The following SGMS1 variants were observed in gnomAD, a reference collection of about 807,000 sequenced individuals.
SGMS1 encodes the protein phosphatidylcholine:ceramide cholinephosphotransferase 1.
SGMS1 carries 13 observed loss-of-function variants against 46.2 expected under a neutral mutation model. That is an observed-to-expected ratio of 0.28 (90% CI 0.18 to 0.45). The LOEUF (loss-of-function observed/expected upper bound fraction) is 0.45, where lower values mean the gene tolerates loss of function less well. SGMS1 is among the 20% of genes least tolerant of loss of function. The pLI is 1.00. For missense variants in SGMS1, 324 were observed against 519.9 expected, an observed-to-expected ratio of 0.62 and a Z score of 3.66; for synonymous variants, 203 against 187.8, an observed-to-expected ratio of 1.08 and a Z score of -0.66.
At chr10:50,334,115 T>C (rs915239928) in intron 7 of SGMS1, among the ~76,000 whole-genome samples, 7 of 152,194 alleles carry the variant, frequency 4.6e-5, no homozygotes, top group African/African-American at 1.7e-4. Context: ...CTGACTTATA[T>C]ACAGGTTGTA....
chr10:50,438,522 G>A (rs1310201112), intron 5 of SGMS1, among the ~76,000 whole-genome samples: 1 of 152,202 alleles, frequency 6.6e-6, no homozygotes, highest in Non-Finnish European at 1.5e-5. Context: ...AGCAGCCATA[G>A]CTGATGCTTG....
At chr10:50,432,847 C>A (rs538334668) in intron 6 of SGMS1, among the ~76,000 whole-genome samples, 1 of 152,100 alleles carries the variant, frequency 6.6e-6, no homozygotes, top group African/African-American at 2.4e-5. Flanking sequence ...AAGAGTGAGG[C>A]CTAGGATTGT....
chr10:50,596,324 TCAC>T (rs991515370), intron 1 of SGMS1, among the ~76,000 whole-genome samples: 3 of 152,100 alleles, frequency 2.0e-5, no homozygotes, highest in Non-Finnish European at 4.4e-5. Context: ...TTACAGGCAT[TCAC>T]CACAACACCT....
intron 2 of SGMS1, among the ~76,000 whole-genome samples, chr10:50,544,078 T>C (rs1838079018): frequency 6.9e-6 from 1 of 145,422 alleles, no homozygotes; most frequent in Admixed American, 6.7e-5. Context: ...GATACATTTA[T>C]TTCTTAAACA....
chr10:50,530,072 CT>C (rs1476899458), intron 2 of SGMS1, among the ~76,000 whole-genome samples: 3 of 152,210 alleles, frequency 2.0e-5, no homozygotes, highest in African/African-American at 7.2e-5. Context: ...ATCATCCCAT[CT>C]CCTGAAAACC....
intron 1 of SGMS1, among the ~76,000 whole-genome samples, chr10:50,609,097 A>G (rs1838723229): frequency 6.6e-6 from 1 of 151,902 alleles, no homozygotes. Flanking sequence ...CGATCCTCCC[A>G]CCTCAGTCTC....
At chr10:50,453,933 C>T (rs867294971) in intron 5 of SGMS1, among the ~76,000 whole-genome samples, 5 of 147,860 alleles carry the variant, frequency 3.4e-5, no homozygotes, top group African/African-American at 1.3e-4. Context: ...AGGAGTTTCC[C>T]CACTTAGATA....
At chr10:50,379,537 G>A (rs1301080374) in intron 6 of SGMS1, among the ~76,000 whole-genome samples, 2 of 152,130 alleles carry the variant, frequency 1.3e-5, no homozygotes, top group Non-Finnish European at 2.9e-5. Flanking sequence ...GAGAATTGGA[G>A]AGGGTCAGGG....
At chr10:50,467,398 CAT>C (rs1242675545) in intron 3 of SGMS1, among the ~76,000 whole-genome samples, 3 of 148,696 alleles carry the variant, frequency 2.0e-5, no homozygotes, top group Non-Finnish European at 4.5e-5. Context: ...AGACCACATA[CAT>C]AAGTGTATGA....
At chr10:50,586,711 A>T (rs886575321) in intron 2 of SGMS1, among the ~76,000 whole-genome samples, 1 of 152,204 alleles carries the variant, frequency 6.6e-6, no homozygotes, top group East Asian at 1.9e-4. Context: ...GACTGATGAA[A>T]CCACACCCAA....
chr10:50,487,507 A>C (rs1242405055), intron 3 of SGMS1, among the ~76,000 whole-genome samples: 1 of 152,192 alleles, frequency 6.6e-6, no homozygotes, highest in Non-Finnish European at 1.5e-5. Context: ...CTAAATAAAT[A>C]AATGCTTACT....
At chr10:50,536,710 T>C (rs1363697251) in intron 2 of SGMS1, among the ~76,000 whole-genome samples, 1 of 152,234 alleles carries the variant, frequency 6.6e-6, no homozygotes, top group Non-Finnish European at 1.5e-5. Flanking sequence ...TTAATCTGTT[T>C]ATTATAGCAT....
chr10:50,425,137 C>T (rs1849308247), intron 6 of SGMS1, among the ~76,000 whole-genome samples: 1 of 152,140 alleles, frequency 6.6e-6, no homozygotes, highest in Non-Finnish European at 1.5e-5. Flanking sequence ...TATGCTTATC[C>T]ACTGCTGGTG....
chr10:50,441,947 C>G (rs1849551304), intron 5 of SGMS1, among the ~76,000 whole-genome samples: 1 of 152,182 alleles, frequency 6.6e-6, no homozygotes, highest in African/African-American at 2.4e-5. Flanking sequence ...AAAAATGTCA[C>G]TAATCTCTAA....
intron 1 of SGMS1, among the ~76,000 whole-genome samples, chr10:50,610,469 G>C (rs1353966201): frequency 6.6e-6 from 1 of 152,176 alleles, no homozygotes; most frequent in South Asian, 2.1e-4. Flanking sequence ...GCCACACATA[G>C]GGCCTTGAAA....
chr10:50,412,169 C>G (rs1849109317), intron 6 of SGMS1, among the ~76,000 whole-genome samples: 1 of 152,156 alleles, frequency 6.6e-6, no homozygotes, highest in African/African-American at 2.4e-5. Context: ...TACTAACACT[C>G]ACTCCACTAG....
At chr10:50,314,864 T>A (rs1163819263) in intron 8 of SGMS1, among the ~76,000 whole-genome samples, 1 of 152,124 alleles carries the variant, frequency 6.6e-6, no homozygotes, top group African/African-American at 2.4e-5. Context: ...AAGGCTACAG[T>A]GAGCTACAAT....
intron 3 of SGMS1, among the ~76,000 whole-genome samples, chr10:50,471,380 T>G (rs780841877): frequency 6.6e-6 from 1 of 152,140 alleles, no homozygotes; most frequent in Non-Finnish European, 1.5e-5. Flanking sequence ...AAATCAGTAT[T>G]TACATTTCTA....
At chr10:50,443,508 A>G in intron 5 of SGMS1, among the ~76,000 whole-genome samples, 1 of 151,738 alleles carries the variant, frequency 6.6e-6, no homozygotes, top group Non-Finnish European at 1.5e-5. Context: ...AGAGAAGGAG[A>G]AAAAAAAGAC....
Sources: gnomAD v4.1 joint callset for allele counts (sites outside exome capture counted in the v4.1 genomes callset) on GRCh38, gnomAD v4.1.1 for gene constraint, MANE v1.5 for transcripts, NCBI Gene and HGNC (gene_info 2026-07-23, HGNC 2026-07-21) for gene names.